CLNK: variants seen among roughly 807,000 people sequenced by gnomAD.
CLNK encodes the protein cytokine-dependent hematopoietic cell linker.
A neutral mutation model predicts 68.6 loss-of-function variants in CLNK; 74 were observed. That is an observed-to-expected ratio of 1.08 (90% CI 0.89 to 1.31). CLNK has a LOEUF of 1.31. Ranked by LOEUF, CLNK falls within the 50% of genes most tolerant of loss-of-function variation. The probability of loss-of-function intolerance (pLI) is 0.00; values close to 1 mark genes in which losing one functional copy is unlikely to be tolerated. For synonymous variants in CLNK, 198 were observed against 172.2 expected, an observed-to-expected ratio of 1.15 and a Z score of -1.17; for missense variants, 553 against 515.3, an observed-to-expected ratio of 1.07 and a Z score of -0.71.
At position 10,593,215 on chromosome 4, in the gene CLNK, TTATG is replaced by T. The variant is rs1348801351; in HGVS notation, c.83+4759_83+4762del. On this transcript the variant is annotated intron_variant, in intron 3 of 18. Coordinates refer to ENST00000226951, the MANE Select transcript of CLNK (RefSeq NM_052964.4). ...TGGGCCACAGTGAGAAAAGTGACCC[TTATG>T]GCTCTCTCAGTGCTGCAGAGGCTCA... Among the ~76,000 whole-genome samples the T allele has an allele frequency of 2.8e-3, 423 of 152,266 alleles. 2 individuals carry two copies. Among genetic ancestry groups the T allele is most frequent in the African/African-American group, 9.9e-3 (410 of 41,560 alleles).
At chr4:10,705,019 G>C in the CLNK span, among the ~76,000 whole-genome samples, 2 of 152,302 alleles carry the variant, frequency 1.3e-5, no homozygotes, top group Admixed American at 1.3e-4. Context: ...TGGGTGCAAG[G>C]GAAGTAACTT....
chr4:10,500,877 G>A (rs990967979), intron 18 of CLNK, among the ~76,000 whole-genome samples: 14 of 152,266 alleles, frequency 9.2e-5, no homozygotes, highest in Non-Finnish European at 1.6e-4. Context: ...TTGGGGACAC[G>A]AGTCTATAGA....
chr4:10,630,948 G>A (rs966075813), intron 2 of CLNK, among the ~76,000 whole-genome samples: 1 of 152,104 alleles, frequency 6.6e-6, no homozygotes, highest in African/African-American at 2.4e-5. Context: ...AAATAAATAA[G>A]GGCTGTACTG....
At chr4:10,586,898 G>C (rs1488598408) in intron 3 of CLNK, among the ~76,000 whole-genome samples, 1 of 152,054 alleles carries the variant, frequency 6.6e-6, no homozygotes, top group East Asian at 1.9e-4. Flanking sequence ...TTTCCCAAAA[G>C]GTTTTGGGCC....
At chr4:10,494,942 T>C (rs1042263684) in intron 18 of CLNK, among the ~76,000 whole-genome samples, 8 of 152,162 alleles carry the variant, frequency 5.3e-5, no homozygotes, top group African/African-American at 1.9e-4. Flanking sequence ...GTTTATTCTA[T>C]ATATGAACTG....
Position 10,556,878 on chromosome 4 carries a change from C to G in CLNK, c.445+1529G>C, listed in dbSNP as rs541915501. On this transcript the variant is annotated intron_variant, in intron 8 of 18. Transcript: ENST00000226951. Reference sequence around the variant, plus strand: ...AGATCACGAGGTCAGGAGTTCGCGACCAGCCTGACCAACATGGTGAAACCC... The same window carrying G: ...AGATCACGAGGTCAGGAGTTCGCGAGCAGCCTGACCAACATGGTGAAACCC... Among the ~76,000 whole-genome samples, 386 of 152,054 alleles carry G rather than the reference C, an allele frequency of 2.5e-3. 3 individuals carry two copies. The highest frequency in any genetic ancestry group is 9.0e-3 in the African/African-American group (375 of 41,454).
rs1441973205 is a variant in CLNK, at chr4:10,583,512, CCTGACCTTGTG to C, written c.112+1404_112+1414del. ...ATATTGGCCAGGCTTGTCTCAAACT[CCTGACCTTGTG>C]ATCCGCCTGCTTTGGCCTCCCAAAG... On this transcript the variant is annotated intron_variant, in intron 4 of 18. Coordinates refer to ENST00000226951, the MANE Select transcript of CLNK (RefSeq NM_052964.4). Among the ~76,000 whole-genome samples, 281 of 152,258 alleles carry C rather than the reference CCTGACCTTGTG, an allele frequency of 1.8e-3. 1 individual carries two copies. The highest frequency in any genetic ancestry group is 6.5e-3 in the African/African-American group (269 of 41,530).
At chr4:10,722,145 G>C in the CLNK span, among the ~76,000 whole-genome samples, 2 of 152,192 alleles carry the variant, frequency 1.3e-5, no homozygotes, top group African/African-American at 4.8e-5. Flanking sequence ...CTGCATTCCA[G>C]ATTGAGCGAG....
chr4:10,597,391 C>T (rs1721425396), intron 3 of CLNK, among the ~76,000 whole-genome samples: 1 of 152,166 alleles, frequency 6.6e-6, no homozygotes, highest in Non-Finnish European at 1.5e-5. Context: ...TGTCTCTAGT[C>T]AGTAATTCGA....
At chr4:10,610,239 G>A (rs1159423965) in intron 2 of CLNK, among the ~76,000 whole-genome samples, 1 of 149,242 alleles carries the variant, frequency 6.7e-6, no homozygotes, top group Non-Finnish European at 1.5e-5. Context: ...TGTATTTTTA[G>A]TAGAGACGGG....
chr4:10,554,281 A>G (rs1406093737), intron 8 of CLNK, among the ~76,000 whole-genome samples: 1 of 152,214 alleles, frequency 6.6e-6, no homozygotes, highest in East Asian at 1.9e-4. Flanking sequence ...GTCATTTTGA[A>G]ATGGTTTCAT....
At chr4:10,727,372 G>A in the CLNK span, among the ~76,000 whole-genome samples, 4 of 152,178 alleles carry the variant, frequency 2.6e-5, no homozygotes, top group East Asian at 3.8e-4. Context: ...AGATCATTTC[G>A]TCAGTTACCA....
intron 2 of CLNK, among the ~76,000 whole-genome samples, chr4:10,626,386 TC>T (rs1722676030): frequency 6.6e-6 from 1 of 152,220 alleles, no homozygotes; most frequent in African/African-American, 2.4e-5. Context: ...CATCTGCCTT[TC>T]CTCTGATTCT....
intron 2 of CLNK, among the ~76,000 whole-genome samples, chr4:10,616,636 A>G (rs1560244038): frequency 2.0e-5 from 3 of 152,100 alleles, no homozygotes; most frequent in Non-Finnish European, 4.4e-5. Context: ...TTCAGCAAAA[A>G]TCAATGAAAT....
chr4:10,584,828 TAGTTTTATTGAAATAAAAACAAAAA>T, intron 4 of CLNK, 74 bp downstream of exon 4: 1 of 1,244,092 alleles, frequency 8.0e-7, no homozygotes, highest in Non-Finnish European at 1.2e-6. Flanking sequence ...AAATAGGCCA[TAGTTTTATTGAAATAAAAACAAAAA>T]AGAATGGAAA....
intron 14 of CLNK, chr4:10,523,984 C>T: frequency 2.9e-6 from 1 of 343,852 alleles, no homozygotes. Context: ...GTGATTGTGC[C>T]ACTACAAGAC....
chr4:10,634,604 T>C (rs1393435471), intron 2 of CLNK, among the ~76,000 whole-genome samples: 1 of 152,206 alleles, frequency 6.6e-6, no homozygotes, highest in East Asian at 1.9e-4. Context: ...CTAATTACTC[T>C]AAGTACTTTC....
chr4:10,536,370 G>A (rs1346740358), intron 11 of CLNK, among the ~76,000 whole-genome samples: 1 of 152,164 alleles, frequency 6.6e-6, no homozygotes, highest in African/African-American at 2.4e-5. Flanking sequence ...TGATTACATG[G>A]GACTTGGGCA....
chr4:10,622,053 G>C (rs148296073), intron 2 of CLNK, among the ~76,000 whole-genome samples: 1 of 152,310 alleles, frequency 6.6e-6, no homozygotes, highest in East Asian at 1.9e-4. Flanking sequence ...GGGGAAAATG[G>C]CTGCTTAGAG....
Sources: allele counts gnomAD v4.1 joint callset (sites outside exome capture counted in the v4.1 genomes callset), GRCh38; gene constraint gnomAD v4.1.1; transcripts MANE v1.5; gene names NCBI Gene and HGNC (gene_info 2026-07-23, HGNC 2026-07-21).